Variants in SLC7A14 observed in about 807,000 individuals in gnomAD.
SLC7A14 encodes the protein gamma-aminobutyric acid transporter SLC7A14.
Under a neutral mutation model 60.2 loss-of-function variants are expected in SLC7A14, and 37 were observed. The ratio of observed to expected loss-of-function variants is 0.61; its 90% confidence interval spans 0.47 to 0.81. SLC7A14 has a LOEUF of 0.81. Among genes scored for constraint, SLC7A14 ranks in the 30% least tolerant of loss-of-function variants. The pLI is 0.00. For synonymous variants in SLC7A14, 399 were observed against 395.8 expected, an observed-to-expected ratio of 1.01 and a Z score of -0.10; for missense variants, 886 against 982.7, an observed-to-expected ratio of 0.90 and a Z score of 1.32.
intron 1 of SLC7A14, among the ~76,000 whole-genome samples, chr3:170,567,343 A>T (rs1371317595): frequency 6.6e-6 from 1 of 150,554 alleles, no homozygotes; most frequent in Non-Finnish European, 1.5e-5. Flanking sequence ...TGAACTCATC[A>T]TTTTTTATGG....
intron 1 of SLC7A14, among the ~76,000 whole-genome samples, chr3:170,542,989 T>A (rs1257800086): frequency 6.6e-6 from 1 of 152,156 alleles, no homozygotes; most frequent in Non-Finnish European, 1.5e-5. Flanking sequence ...GAAAGAGGTT[T>A]AACCTGAAAA....
rs1002083433 is a variant in SLC7A14 at position 170,532,440 on chromosome 3, C to T, written c.-152-5352G>A. 6.6e-6 allele frequency among the ~76,000 whole-genome samples: 1 copy of T among 152,212 alleles called. No individual in the cohort carries two copies. The highest frequency in any genetic ancestry group is 1.5e-5 in the Non-Finnish European group (1 of 68,036). ...AGAACACAATTCAGGAACCAGGTGC[C>T]CTGCATGCAAATTCTGCCTCTGCCT... On this transcript the variant is annotated intron_variant, in intron 1 of 7. Coordinates refer to ENST00000231706, the MANE Select transcript of SLC7A14 (RefSeq NM_020949.3). This position sits in a 1 kb window ranked among gnomAD's most constrained non-coding sequence, Gnocchi z 4.0.
At chr3:170,572,016 G>A (rs796119639) in intron 1 of SLC7A14, among the ~76,000 whole-genome samples, 6 of 145,428 alleles carry the variant, frequency 4.1e-5, no homozygotes, top group African/African-American at 1.5e-4. Context: ...AGCCAAGACT[G>A]TGCCACTGCA....
At chr3:170,545,955 C>T (rs973840165) in intron 1 of SLC7A14, among the ~76,000 whole-genome samples, 7 of 152,240 alleles carry the variant, frequency 4.6e-5, no homozygotes, top group African/African-American at 7.2e-5. Flanking sequence ...CTCTGCTGCC[C>T]TTTAATGACT....
rs775388419 is a variant in SLC7A14, at chr3:170,486,378, T to A, written c.760-10A>T. The A allele has an allele frequency of 1.9e-6, 3 of 1,614,160 alleles. No homozygotes were observed. In the South Asian group the frequency reaches 3.3e-5, roughly 18 times the overall value. ...CTGCTCCTTGCAGCACCTGTGTGGA[T>A]GATGGCATTTGTCAGACTCAGAAGA... is the stretch of plus-strand genomic sequence containing the variant. On this transcript the variant is annotated splice_polypyrimidine_tract_variant and intron_variant, in intron 4 of 7. Transcript: ENST00000231706.
At chr3:170,482,704 A>G (rs1560252514) in intron 6 of SLC7A14, among the ~76,000 whole-genome samples, 1 of 152,210 alleles carries the variant, frequency 6.6e-6, no homozygotes, top group Non-Finnish European at 1.5e-5. Flanking sequence ...CCTGCCACTC[A>G]GTAGCTGAGG....
intron 7 of SLC7A14, among the ~76,000 whole-genome samples, chr3:170,476,075 T>C (rs1216187675): frequency 6.6e-6 from 1 of 152,174 alleles, no homozygotes; most frequent in African/African-American, 2.4e-5. Context: ...GGGTCACACA[T>C]TGAGGACCAT....
chr3:170,518,988 T>C (rs1478515601), intron 2 of SLC7A14, among the ~76,000 whole-genome samples: 1 of 152,188 alleles, frequency 6.6e-6, no homozygotes, highest in Non-Finnish European at 1.5e-5. Context: ...AAACTTTCCA[T>C]AAAAGTCTAT....
At chr3:170,485,939 C>T (rs972321058) in intron 5 of SLC7A14, among the ~76,000 whole-genome samples, 6 of 152,150 alleles carry the variant, frequency 3.9e-5, no homozygotes, top group African/African-American at 1.2e-4. Context: ...GATGGCAGCC[C>T]ATTCCCTGCA....
At chr3:170,497,198 T>C (rs1712433789) in intron 4 of SLC7A14, among the ~76,000 whole-genome samples, 1 of 152,022 alleles carries the variant, frequency 6.6e-6, no homozygotes, top group Non-Finnish European at 1.5e-5. Flanking sequence ...TTCTCTTATA[T>C]GATAGGAAAG....
intron 7 of SLC7A14, among the ~76,000 whole-genome samples, chr3:170,471,090 G>GGTGCGTGTGT (rs1553864203): frequency 1.4e-5 from 2 of 146,356 alleles, no homozygotes; most frequent in Non-Finnish European, 3.0e-5. Context: ...TCTGGGAAGG[G>GGTGCGTGTGT]GTGTGTGTGT....
intron 7 of SLC7A14, among the ~76,000 whole-genome samples, chr3:170,473,875 G>C (rs186251632): frequency 1.3e-5 from 2 of 152,250 alleles, no homozygotes; most frequent in African/African-American, 4.8e-5. Flanking sequence ...TGCAAAACGG[G>C]GTTGGGGATG....
chr3:170,467,662 CT>C (rs947676540), intron 7 of SLC7A14, among the ~76,000 whole-genome samples: 7 of 152,240 alleles, frequency 4.6e-5, no homozygotes, highest in Non-Finnish European at 7.4e-5. Context: ...TGATTTTTGG[CT>C]GGTGTTGAGA....
chr3:170,515,319 C>G (rs1028280505), intron 2 of SLC7A14, among the ~76,000 whole-genome samples: 6 of 96,040 alleles, frequency 6.2e-5, no homozygotes, highest in Non-Finnish European at 1.3e-4. Context: ...TCCGCCCCCC[C>G]CAAAAAAAAA....
intron 1 of SLC7A14, among the ~76,000 whole-genome samples, chr3:170,565,071 C>A (rs1714755559): frequency 6.6e-6 from 1 of 152,142 alleles, no homozygotes; most frequent in South Asian, 2.1e-4. Context: ...AGGATAGATT[C>A]TGTGTTCTGC....
intron 1 of SLC7A14, among the ~76,000 whole-genome samples, chr3:170,551,604 T>C (rs1714353973): frequency 6.6e-6 from 1 of 152,242 alleles, no homozygotes; most frequent in Admixed American, 6.5e-5. Context: ...CTAAAGGGTG[T>C]GAAGTTGTAT....
At chr3:170,512,097 T>C (rs1712997926) in intron 2 of SLC7A14, among the ~76,000 whole-genome samples, 1 of 152,172 alleles carries the variant, frequency 6.6e-6, no homozygotes, top group Non-Finnish European at 1.5e-5. Context: ...GCAGGCAGTG[T>C]CCCATTTCTA....
intron 3 of SLC7A14, 53 bp from the exon 4 acceptor site, chr3:170,498,937 C>T: frequency 1.9e-6 from 3 of 1,564,742 alleles, no homozygotes; most frequent in Non-Finnish European, 1.8e-6. Context: ...AAGGGCCATG[C>T]AAACTCCTGG....
At chr3:170,577,647 A>T (rs1184720840) in intron 1 of SLC7A14, among the ~76,000 whole-genome samples, 1 of 150,486 alleles carries the variant, frequency 6.6e-6, no homozygotes, top group Non-Finnish European at 1.5e-5. Flanking sequence ...AAAAAAAAAA[A>T]AGAAAACCAC....
Sources: gnomAD v4.1 joint callset for allele counts (sites outside exome capture counted in the v4.1 genomes callset) on GRCh38, gnomAD v4.1.1 for gene constraint, Gnocchi (gnomAD v3.1) non-coding constraint, MANE v1.5 for transcripts, NCBI Gene and HGNC (gene_info 2026-07-23, HGNC 2026-07-21) for gene names.